Variants in ASIC2 observed in about 807,000 individuals in gnomAD.
ASIC2 encodes the protein acid sensing ion channel subunit 2.
In ASIC2, 25 loss-of-function variants were observed where a neutral mutation model predicts 57.3. That is an observed-to-expected ratio of 0.44 (90% confidence interval 0.32 to 0.61). ASIC2 has a LOEUF of 0.61. ASIC2 is among the 20% of genes least tolerant of loss of function. The pLI is 0.06. For missense variants in ASIC2, 641 were observed against 738.1 expected, an observed-to-expected ratio of 0.87 and a Z score of 1.52; for synonymous variants, 319 against 307.5, an observed-to-expected ratio of 1.04 and a Z score of -0.39.
intron 1 of ASIC2, among the ~76,000 whole-genome samples, chr17:33,917,831 A>G (rs762551197): frequency 3.3e-5 from 5 of 151,832 alleles, no homozygotes; most frequent in Non-Finnish European, 5.9e-5. Context: ...CCAGTAGTTT[A>G]GCTTACCAGA....
Position 33,436,962 on chromosome 17 carries a change from T to C in ASIC2, c.556-324895A>G, listed in dbSNP as rs1006436119. On this transcript the variant is annotated intron_variant, in intron 1 of 9. Transcript: ENST00000359872. ...CTCACTGCAAGCTCCGCCTCCCAGG[T>C]TCATGCCATTCTCCTGCCTCAGCCT... is the stretch of plus-strand genomic sequence containing the variant. 4.2e-5 allele frequency among the ~76,000 whole-genome samples: 6 copies of C among 141,604 alleles called. No individual in the cohort carries two copies. The Middle Eastern group carries it at 0.012, about 274-fold the overall frequency. 92.9% of individuals were successfully genotyped at this position (141,604 alleles called of 152,430 possible). A position where few individuals can be genotyped will look rare whatever the true frequency, so the allele number is the denominator to read the frequency against.
chr17:33,238,219 G>A (rs180717376), intron 1 of ASIC2, among the ~76,000 whole-genome samples: 2 of 152,364 alleles, frequency 1.3e-5, no homozygotes, highest in Admixed American at 1.3e-4. Flanking sequence ...CGCAGAGGCT[G>A]TGCTGGAGAA....
intron 1 of ASIC2, among the ~76,000 whole-genome samples, chr17:33,670,666 T>G (rs77076113): frequency 6.6e-6 from 1 of 152,158 alleles, no homozygotes; most frequent in African/African-American, 2.4e-5. Flanking sequence ...CAACCTCATC[T>G]TTCTGAAATG....
chr17:33,790,628 C>T (rs1057280934), intron 1 of ASIC2, among the ~76,000 whole-genome samples: 4 of 152,050 alleles, frequency 2.6e-5, no homozygotes, highest in Non-Finnish European at 4.4e-5. Context: ...CAGACTTTAG[C>T]TTTCCTTAGG....
intron 1 of ASIC2, among the ~76,000 whole-genome samples, chr17:34,074,782 CTTTTTTTTTT>C (rs35010578): frequency 3.5e-5 from 4 of 113,926 alleles, no homozygotes; most frequent in South Asian, 2.9e-4. Context: ...TTCTTTCTTT[CTTTTTTTTTT>C]TTTTTTTTTT....
At chr17:34,044,279 C>T (rs971284494) in intron 1 of ASIC2, among the ~76,000 whole-genome samples, 2 of 152,088 alleles carry the variant, frequency 1.3e-5, no homozygotes, top group African/African-American at 4.8e-5. Context: ...TAATTATATC[C>T]CCAGAGAATG....
chr17:33,951,757 A>ATTTT (rs11418012), intron 1 of ASIC2, among the ~76,000 whole-genome samples: 1 of 135,634 alleles, frequency 7.4e-6, no homozygotes, highest in African/African-American at 2.8e-5. Context: ...TAATTTTTGT[A>ATTTT]TTTTTTTTTT....
chr17:33,174,801 T>C (rs1212688694), intron 1 of ASIC2, among the ~76,000 whole-genome samples: 1 of 152,188 alleles, frequency 6.6e-6, no homozygotes, highest in East Asian at 1.9e-4. Context: ...CTGCTGTTGA[T>C]CTACATAGGA....
intron 1 of ASIC2, among the ~76,000 whole-genome samples, chr17:33,164,271 C>T (rs1409812909): frequency 6.6e-6 from 1 of 152,138 alleles, no homozygotes; most frequent in East Asian, 1.9e-4. Flanking sequence ...ATACAGAGCT[C>T]ACCTCACCTT....
chr17:33,770,427 T>C (rs1412118362), intron 1 of ASIC2, among the ~76,000 whole-genome samples: 1 of 152,198 alleles, frequency 6.6e-6, no homozygotes, highest in Non-Finnish European at 1.5e-5. Flanking sequence ...AATACAGGCT[T>C]AATGTAGGCT....
At chr17:34,135,612 A>C (rs1912104576) in intron 1 of ASIC2, among the ~76,000 whole-genome samples, 1 of 152,140 alleles carries the variant, frequency 6.6e-6, no homozygotes, top group African/African-American at 2.4e-5. Flanking sequence ...ATAGACTTAA[A>C]TCTTCCCTTT....
chr17:33,425,773 G>T (rs1185455524), intron 1 of ASIC2, among the ~76,000 whole-genome samples: 3 of 152,102 alleles, frequency 2.0e-5, no homozygotes, highest in Non-Finnish European at 4.4e-5. Context: ...GGATGAATCT[G>T]GCTGTGAAGT....
At chr17:33,410,957 G>T (rs1460629422) in intron 1 of ASIC2, among the ~76,000 whole-genome samples, 1 of 152,190 alleles carries the variant, frequency 6.6e-6, no homozygotes, top group Non-Finnish European at 1.5e-5. Context: ...TAACATATTT[G>T]TCAGATGAAT....
At chr17:33,295,361 C>G (rs530759749), upstream of ASIC2, among the ~76,000 whole-genome samples, 22 of 152,182 alleles carry the variant, frequency 1.4e-4, no homozygotes, top group African/African-American at 5.1e-4. Flanking sequence ...ATTGATGGCT[C>G]TCTTTATGGC....
intron 1 of ASIC2, among the ~76,000 whole-genome samples, chr17:33,901,950 G>A (rs1437015846): frequency 6.6e-6 from 1 of 152,118 alleles, no homozygotes; most frequent in Non-Finnish European, 1.5e-5. Context: ...TTCTCACTTG[G>A]CAACCATTCA....
chr17:34,047,813 A>G (rs754472853), intron 1 of ASIC2, among the ~76,000 whole-genome samples: 1 of 152,200 alleles, frequency 6.6e-6, no homozygotes, highest in Non-Finnish European at 1.5e-5. Context: ...GTCAGTCAAT[A>G]TTCTAGGAAC....
chr17:33,051,323 G>T (rs776837809), intron 3 of ASIC2, among the ~76,000 whole-genome samples: 1 of 152,040 alleles, frequency 6.6e-6, no homozygotes, highest in Non-Finnish European at 1.5e-5. Context: ...TGGTCCTACC[G>T]CACACTGAAC....
At chr17:33,888,385 C>T (rs557231684) in intron 1 of ASIC2, among the ~76,000 whole-genome samples, 9 of 152,102 alleles carry the variant, frequency 5.9e-5, no homozygotes, top group Non-Finnish European at 1.2e-4. Flanking sequence ...GCGAGTGGTT[C>T]CTGAGCATCA....
At chr17:33,437,712 C>T (rs1034764029) in intron 1 of ASIC2, among the ~76,000 whole-genome samples, 7 of 152,114 alleles carry the variant, frequency 4.6e-5, no homozygotes, top group Non-Finnish European at 7.3e-5. Flanking sequence ...ACAAGAATCG[C>T]GTGAACCCAG....
Sources: gnomAD v4.1 joint callset for allele counts (sites outside exome capture counted in the v4.1 genomes callset) on GRCh38, gnomAD v4.1.1 for gene constraint, MANE v1.5 for transcripts, NCBI Gene and HGNC (gene_info 2026-07-23, HGNC 2026-07-21) for gene names.